The following KAZN variants were observed in gnomAD, a reference collection of about 807,000 sequenced individuals.
KAZN encodes kazrin, periplakin interacting protein.
Under a neutral mutation model 87.4 loss-of-function variants are expected in KAZN, and 40 were observed. That is an observed-to-expected ratio of 0.46 (90% CI 0.36 to 0.60). The LOEUF (loss-of-function observed/expected upper bound fraction) is 0.60. Among genes scored for constraint, KAZN ranks in the 20% least tolerant of loss-of-function variants. KAZN has a pLI of 0.00. For synonymous variants in KAZN, 466 were observed against 458.3 expected, an observed-to-expected ratio of 1.02 and a Z score of -0.22; for missense variants, 898 against 1,073.9, an observed-to-expected ratio of 0.84 and a Z score of 2.29.
At chr1:14,975,256 A>C (rs1351570167) in intron 2 of KAZN, among the ~76,000 whole-genome samples, 3 of 152,238 alleles carry the variant, frequency 2.0e-5, no homozygotes, top group African/African-American at 7.2e-5. Context: ...CAAGGTCCAA[A>C]GCTGGATGTG....
intron 4 of KAZN, among the ~76,000 whole-genome samples, chr1:15,049,116 G>A (rs538380962): frequency 6.6e-6 from 1 of 152,254 alleles, no homozygotes; most frequent in African/African-American, 2.4e-5. Context: ...GGCTTTTGAC[G>A]GGAGTCCAGC....
In KAZN at chr1:14,130,964, C is replaced by T. The variant is rs192357403; in HGVS notation, c.92-49471C>T. ...GTCCGTTTTTGCACTGCTATGAAGA[C>T]ATACCTGAGACTAAGAAAAAAGGTT... On this transcript the variant is annotated intron_variant, in intron 1 of 16. Transcript: ENST00000636203. Among the ~76,000 whole-genome samples, 14 of 152,286 alleles carry T rather than the reference C, an allele frequency of 9.2e-5. No homozygotes were observed. The East Asian group carries it at 2.7e-3, about 29-fold the overall frequency.
At chr1:14,393,847 A>AT in intron 2 of KAZN, among the ~76,000 whole-genome samples, 1 of 150,936 alleles carries the variant, frequency 6.6e-6, no homozygotes, top group East Asian at 1.9e-4. Context: ...AATCTCAAAA[A>AT]AAAAAAAAAA....
intron 2 of KAZN, among the ~76,000 whole-genome samples, chr1:14,210,400 G>C (rs563003417): frequency 6.6e-6 from 1 of 152,080 alleles, no homozygotes; most frequent in Non-Finnish European, 1.5e-5. Context: ...ACCCAGTCTC[G>C]GGTATGTCTT....
chr1:15,101,664 T>G lies in KAZN; in HGVS notation c.1669T>G (p.Ser557Ala). The change falls in exon 11 of 15, where the codon TCC becomes GCC. Residue 557 changes from serine (S) to alanine (A), a missense_variant. Transcript: ENST00000376030. ...NHLVDGRMLN[S>A]LMKRDLEKHL... is the part of the protein sequence containing the mutation. ...CCTGGTTGATGGGCGGATGCTGAAT[T>G]CCCTGATGAAGCGAGACCTGGAGAA... 1 of 1,586,954 alleles carries G rather than the reference T, an allele frequency of 6.3e-7. No individual in the cohort carries two copies. Among genetic ancestry groups the G allele is most frequent in the African/African-American group, 1.3e-5 (1 of 74,478 alleles).
At chr1:14,661,337 C>G (rs1413936616) in intron 1 of KAZN, among the ~76,000 whole-genome samples, 1 of 152,104 alleles carries the variant, frequency 6.6e-6, no homozygotes, top group African/African-American at 2.4e-5. Flanking sequence ...CATGGATGGT[C>G]TCTTGAGGCC....
At position 14,589,291 on chromosome 1, in the gene KAZN, G is replaced by A. The variant is rs181719280; in HGVS notation, c.250-9692G>A. ...GCCTTGGAGTTCCAAATATGATATC[G>A]TAAATTGCTTTACACCTCCTCAGCA... is the stretch of plus-strand genomic sequence containing the variant. On this transcript the variant is annotated intron_variant, in intron 2 of 16. Transcript: ENST00000636203. Among the ~76,000 whole-genome samples, 318 of 148,338 alleles carry A rather than the reference G, an allele frequency of 2.1e-3. 2 individuals carry two copies. The highest frequency in any genetic ancestry group is 7.4e-3 in the African/African-American group (295 of 40,042).
intron 1 of KAZN, among the ~76,000 whole-genome samples, chr1:14,718,229 G>A (rs755806165): frequency 1.1e-4 from 17 of 152,298 alleles, no homozygotes; most frequent in East Asian, 1.9e-4. Context: ...AGAAAATGTC[G>A]CTCATTTCCG....
intron 1 of KAZN, among the ~76,000 whole-genome samples, chr1:14,902,429 C>G (rs1003762664): frequency 6.6e-6 from 1 of 151,952 alleles, no homozygotes; most frequent in Non-Finnish European, 1.5e-5. Context: ...GGGGTTTCAC[C>G]GTGTTAGCCA....
chr1:15,029,485 C>T (rs925802819), intron 2 of KAZN, among the ~76,000 whole-genome samples: 2 of 152,194 alleles, frequency 1.3e-5, no homozygotes, highest in Non-Finnish European at 2.9e-5. Flanking sequence ...GCAGCCCACA[C>T]GTTGCACACG....
chr1:14,674,875 C>T (rs533465332), intron 1 of KAZN, among the ~76,000 whole-genome samples: 36 of 152,200 alleles, frequency 2.4e-4, no homozygotes, highest in African/African-American at 7.7e-4. Context: ...CAGCTGCGAA[C>T]TCCTGGGTTA....
At chr1:14,285,646 C>T (rs960029056) in intron 2 of KAZN, among the ~76,000 whole-genome samples, 3 of 152,186 alleles carry the variant, frequency 2.0e-5, no homozygotes, top group Non-Finnish European at 4.4e-5. Context: ...TGGATGTGAC[C>T]CACTCAGTTG....
chr1:14,622,035 T>C (rs1023361030), intron 1 of KAZN, among the ~76,000 whole-genome samples: 4 of 152,200 alleles, frequency 2.6e-5, no homozygotes, highest in Non-Finnish European at 5.9e-5. Context: ...TTGCAGACAG[T>C]CAGCTACTGA....
At chr1:14,496,979 T>C (rs1432749661) in intron 2 of KAZN, among the ~76,000 whole-genome samples, 3 of 152,188 alleles carry the variant, frequency 2.0e-5, no homozygotes, top group Non-Finnish European at 4.4e-5. Flanking sequence ...GAGAAATGGA[T>C]CTTTACCATT....
intron 1 of KAZN, among the ~76,000 whole-genome samples, chr1:14,134,997 A>G (rs1437716982): frequency 2.6e-5 from 1 of 39,064 alleles, no homozygotes; most frequent in Non-Finnish European, 4.5e-5. Context: ...ACACACACAC[A>G]CACACATGTG....
chr1:14,413,244 A>G (rs1443709964), intron 2 of KAZN, among the ~76,000 whole-genome samples: 1 of 151,926 alleles, frequency 6.6e-6, no homozygotes, highest in Non-Finnish European at 1.5e-5. Flanking sequence ...ATTTTTCCAT[A>G]CGGAAAATAA....
intron 1 of KAZN, among the ~76,000 whole-genome samples, chr1:14,786,217 C>A (rs1645504396): frequency 6.6e-6 from 1 of 152,198 alleles, no homozygotes; most frequent in Admixed American, 6.5e-5. Flanking sequence ...ATGTTACTTT[C>A]TTGTCATTTG....
At chr1:14,638,532 G>A (rs931330871) in intron 1 of KAZN, among the ~76,000 whole-genome samples, 64 of 147,834 alleles carry the variant, frequency 4.3e-4, no homozygotes, top group African/African-American at 1.6e-3. Flanking sequence ...TTGCACCACG[G>A]CACTCCAGCC....
At chr1:14,151,374 T>A (rs1288830994) in intron 1 of KAZN, among the ~76,000 whole-genome samples, 1 of 152,218 alleles carries the variant, frequency 6.6e-6, no homozygotes, top group African/African-American at 2.4e-5. Context: ...GTTTTCCTCT[T>A]AAAATTCATT....
Sources: gnomAD v4.1 joint callset for allele counts (sites outside exome capture counted in the v4.1 genomes callset) on GRCh38, gnomAD v4.1.1 for gene constraint, MANE v1.5 for transcripts, NCBI Gene and HGNC (gene_info 2026-07-23, HGNC 2026-07-21) for gene names.